DCDC1: variants seen among roughly 807,000 people sequenced by gnomAD.
DCDC1 encodes the protein doublecortin domain-containing protein 1.
DCDC1 carries 200 observed loss-of-function variants against 178.3 expected under a neutral mutation model. The observed-to-expected ratio is 1.12, with a 90% confidence interval of 1.00 to 1.26. The LOEUF is 1.26. DCDC1 is among the 50% of genes most tolerant of loss of function. The probability of loss-of-function intolerance (pLI) is 0.00; values close to 1 mark genes in which losing one functional copy is unlikely to be tolerated. For synonymous variants in DCDC1, 690 were observed against 604.8 expected, an observed-to-expected ratio of 1.14 and a Z score of -2.07; for missense variants, 1,983 against 1,749.2, an observed-to-expected ratio of 1.13 and a Z score of -2.38.
intron 11 of DCDC1, among the ~76,000 whole-genome samples, chr11:31,118,431 A>G (rs897401201): frequency 2.0e-5 from 3 of 152,118 alleles, no homozygotes; most frequent in African/African-American, 4.8e-5. Flanking sequence ...TCATCACCCC[A>G]TTTTCACTTA....
At chr11:31,036,086 A>G (rs1046089820) in intron 20 of DCDC1, among the ~76,000 whole-genome samples, 2 of 152,126 alleles carry the variant, frequency 1.3e-5, no homozygotes, top group Non-Finnish European at 2.9e-5. Context: ...AATCTGCTCT[A>G]TTTTAAGTAA....
chr11:31,070,356 T>G (rs1956480762), intron 18 of DCDC1, among the ~76,000 whole-genome samples: 1 of 152,190 alleles, frequency 6.6e-6, no homozygotes, highest in South Asian at 2.1e-4. Context: ...CACCAGTGCA[T>G]CACCCTAAAC....
chr11:30,898,322 A>T (rs1245768299), intron 34 of DCDC1, among the ~76,000 whole-genome samples: 2 of 152,222 alleles, frequency 1.3e-5, no homozygotes, highest in Admixed American at 1.3e-4. Context: ...AGATGGAAGC[A>T]GGGAGACCAG....
At chr11:31,124,165 A>C (rs1160766204) in intron 11 of DCDC1, among the ~76,000 whole-genome samples, 2 of 152,056 alleles carry the variant, frequency 1.3e-5, no homozygotes, top group East Asian at 1.9e-4. Flanking sequence ...TTTGTCATAA[A>C]TAGGTCTTAT....
chr11:31,285,963 C>T (rs1405300369), intron 7 of DCDC1, among the ~76,000 whole-genome samples: 2 of 152,116 alleles, frequency 1.3e-5, no homozygotes, highest in East Asian at 3.9e-4. Flanking sequence ...TTCCCCCAAC[C>T]TCTTTTATTC....
At chr11:31,263,233 G>T (rs1221752556) in intron 8 of DCDC1, among the ~76,000 whole-genome samples, 1 of 152,122 alleles carries the variant, frequency 6.6e-6, no homozygotes, top group Non-Finnish European at 1.5e-5. Context: ...AATAATTCAA[G>T]TCTAGATAGG....
intron 28 of DCDC1, among the ~76,000 whole-genome samples, chr11:30,909,452 A>G (rs1437370898): frequency 2.0e-5 from 3 of 152,144 alleles, no homozygotes; most frequent in Non-Finnish European, 4.4e-5. Context: ...CCAATAGTTA[A>G]ACATGAAGGT....
At chr11:31,264,327 G>T (rs959424395) in intron 8 of DCDC1, among the ~76,000 whole-genome samples, 1 of 152,106 alleles carries the variant, frequency 6.6e-6, no homozygotes, top group Non-Finnish European at 1.5e-5. Context: ...GGTAGGAAGG[G>T]TGCATACATA....
At chr11:31,027,777 TG>T (rs1265395676) in intron 20 of DCDC1, among the ~76,000 whole-genome samples, 2 of 151,910 alleles carry the variant, frequency 1.3e-5, no homozygotes, top group Non-Finnish European at 3.0e-5. Context: ...GTAATTCACT[TG>T]GAACTAATTT....
rs376230339 is a variant in DCDC1, at chr11:30,981,203, AAG to A, written c.2592-28637_2592-28636del. On this transcript the variant is annotated intron_variant, in intron 20 of 38. Transcript: ENST00000684477. ...GGACTCCAAAAGCGGAGAGGGTGGA[AAG>A]AGAGCGAGGGTTGAAAAATTACCTG... Among the ~76,000 whole-genome samples, 80 of 152,220 alleles carry A rather than the reference AAG, an allele frequency of 5.3e-4. No individual in the cohort carries two copies. The East Asian group carries it at 0.015, about 29-fold the overall frequency.
At chr11:31,215,672 A>G (rs966366359) in intron 9 of DCDC1, among the ~76,000 whole-genome samples, 1 of 152,036 alleles carries the variant, frequency 6.6e-6, no homozygotes, top group African/African-American at 2.4e-5. Context: ...GTGCGCCTAT[A>G]GTCCTAGCTA....
At chr11:31,176,397 T>C (rs1039041649) in intron 9 of DCDC1, among the ~76,000 whole-genome samples, 5 of 152,298 alleles carry the variant, frequency 3.3e-5, no homozygotes, top group Non-Finnish European at 5.9e-5. Flanking sequence ...TTGAGTCTTA[T>C]AGAACATCGT....
chr11:31,144,335 G>A (rs1381004710), intron 9 of DCDC1, among the ~76,000 whole-genome samples: 1 of 151,892 alleles, frequency 6.6e-6, no homozygotes, highest in Non-Finnish European at 1.5e-5. Flanking sequence ...TAGAGACGGG[G>A]TTTCACCATG....
chr11:31,191,688 A>C (rs559973531), intron 9 of DCDC1, among the ~76,000 whole-genome samples: 2 of 152,050 alleles, frequency 1.3e-5, no homozygotes, highest in African/African-American at 4.8e-5. Flanking sequence ...AGTGATGTCC[A>C]TGGAGGGTTG....
At chr11:31,025,649 G>A (rs978325777) in intron 20 of DCDC1, among the ~76,000 whole-genome samples, 8 of 151,764 alleles carry the variant, frequency 5.3e-5, no homozygotes, top group African/African-American at 1.9e-4. Context: ...ATTTTGCCAG[G>A]TGATACATTT....
At chr11:31,347,740 T>C (rs540055785) in intron 1 of DCDC1, among the ~76,000 whole-genome samples, 6 of 152,144 alleles carry the variant, frequency 3.9e-5, no homozygotes, top group East Asian at 1.9e-4. Context: ...GTGGCCAAGA[T>C]AGAAGGTGCC....
chr11:30,975,069 T>C (rs567098897), intron 20 of DCDC1, among the ~76,000 whole-genome samples: 1 of 152,156 alleles, frequency 6.6e-6, no homozygotes, highest in East Asian at 1.9e-4. Flanking sequence ...TGGTTCAACA[T>C]GCACAAATCA....
intron 34 of DCDC1, among the ~76,000 whole-genome samples, chr11:30,897,582 C>CAAAAAAAAAA (rs35815662): frequency 1.4e-5 from 1 of 72,956 alleles, no homozygotes; most frequent in African/African-American, 5.5e-5. Context: ...GACTCCGTCT[C>CAAAAAAAAAA]AAAAAAAAAA....
intron 13 of DCDC1, among the ~76,000 whole-genome samples, chr11:31,105,800 C>T (rs573862187): frequency 6.6e-6 from 1 of 151,950 alleles, no homozygotes; most frequent in African/African-American, 2.4e-5. Context: ...TTTCAGTATT[C>T]GAAATTTTAA....
Sources: gnomAD v4.1 joint callset for allele counts (sites outside exome capture counted in the v4.1 genomes callset) on GRCh38, gnomAD v4.1.1 for gene constraint, MANE v1.5 for transcripts, NCBI Gene and HGNC (gene_info 2026-07-23, HGNC 2026-07-21) for gene names.